The following ETFDH variants were observed in gnomAD, a reference collection of about 807,000 sequenced individuals.
ETFDH encodes the protein electron transfer flavoprotein dehydrogenase.
ETFDH carries 61 observed loss-of-function variants against 73.2 expected under a neutral mutation model. The observed-to-expected ratio is 0.83, with a 90% confidence interval of 0.68 to 1.03. ETFDH has a LOEUF of 1.03. Ranked by LOEUF, ETFDH falls within the 50% of genes least tolerant of loss-of-function variation. ETFDH has a pLI of 0.00. For synonymous variants in ETFDH, 243 were observed against 253.3 expected (o/e 0.96, Z 0.39); for missense variants, 685 against 745.0 (o/e 0.92, Z 0.94).
intron 10 of ETFDH, 50 bp from the exon 11 acceptor site, chr4:158,706,139 A>C (rs1320496367): frequency 8.2e-7 from 1 of 1,219,580 alleles, no homozygotes; most frequent in Non-Finnish European, 1.2e-6. Flanking sequence ...AGCGTATTTT[A>C]CACACATTTG....
In ETFDH at chr4:158,709,590, C is replaced by T. The variant is rs746757149; in HGVS notation, c.*1063C>T. The T allele has an allele frequency of 1.2e-4, 70 of 580,048 alleles. No homozygotes were observed. The highest frequency in any genetic ancestry group is 1.8e-4 in the Non-Finnish European group (61 of 335,230). The allele number at this position is 580,048 out of a possible 1,614,324, so 35.9% of individuals were successfully genotyped here. A position where few individuals can be genotyped will look rare whatever the true frequency, so the allele number is the denominator to read the frequency against. ...TTGTGACATGTTTATTAAGCATGAA[C>T]CCCTATCAGTACTCCTAAACTGTAA... On this transcript the variant is annotated 3_prime_UTR_variant, in exon 13 of 13. Transcript: ENST00000511912.
At chr4:158,704,995 T>C (rs1048956991) in intron 10 of ETFDH, among the ~76,000 whole-genome samples, 1 of 152,162 alleles carries the variant, frequency 6.6e-6, no homozygotes, top group Non-Finnish European at 1.5e-5. Flanking sequence ...CATGTGTATA[T>C]AGTACCACAC....
intron 5 of ETFDH, 113 bp from the exon 6 acceptor site, chr4:158,690,235 C>T (rs1774127475): frequency 5.7e-6 from 4 of 696,614 alleles, no homozygotes; most frequent in Admixed American, 2.3e-5. Flanking sequence ...CTCTGTATTT[C>T]TATAATCTAG....
Position 158,706,307 on chromosome 4 carries a change from G to C in ETFDH, c.1404G>C (p.Met468Ile). 5 of 1,613,006 alleles carry C rather than the reference G, an allele frequency of 3.1e-6. No homozygotes were observed. The highest frequency in any genetic ancestry group is 4.2e-6 in the Non-Finnish European group (5 of 1,178,980). ...CHGVLGVYGG[M>I]IYTGIFYWIL... is the part of the protein sequence containing the mutation. ...GAGTACTGGGTGTATATGGAGGGAT[G>C]ATTTACACTGGAATCTTTTACTGGA... is the stretch of plus-strand genomic sequence containing the variant. The change falls in exon 11 of 13, where the codon ATG (methionine) becomes ATC (isoleucine). Residue 468 changes from methionine to isoleucine, a missense_variant. By Grantham distance (10) the Met-to-Ile change is conservative (BLOSUM62 1). Coordinates refer to ENST00000511912, the MANE Select transcript of ETFDH (RefSeq NM_004453.4).
At chr4:158,672,870 C>G (rs2150300830) in intron 1 of ETFDH, among the ~76,000 whole-genome samples, 1 of 152,254 alleles carries the variant, frequency 6.6e-6, no homozygotes, top group African/African-American at 2.4e-5. Flanking sequence ...GTTTTTCTCC[C>G]TGGTCCTGAC....
Position 158,696,492 on chromosome 4 carries a change from T to C in ETFDH, c.831+849T>C, listed in dbSNP as rs148611010. Among the ~76,000 whole-genome samples, 870 of 151,648 alleles carry C rather than the reference T, an allele frequency of 5.7e-3. 8 individuals carry two copies. Among genetic ancestry groups the C allele is most frequent in the African/African-American group, 0.02 (806 of 41,270 alleles). ...CTGCACCCTACCCTGGGTGACAGAGTGAGATCCTATCTCTAAAAAAAAAAA... is the reference window on the plus strand; with the variant it reads ...CTGCACCCTACCCTGGGTGACAGAGCGAGATCCTATCTCTAAAAAAAAAAA... On this transcript the variant is annotated intron_variant, in intron 7 of 12. Transcript: ENST00000511912.
chr4:158,692,312 A>G (rs566007757), intron 6 of ETFDH, among the ~76,000 whole-genome samples: 1 of 150,718 alleles, frequency 6.6e-6, no homozygotes, highest in South Asian at 2.1e-4. Context: ...AGGCAGGAGA[A>G]TGGCGTGAAC....
Position 158,684,674 on chromosome 4 carries a change from G to A in ETFDH, c.487+1G>A, listed in dbSNP as rs1444488601. 9 of 1,456,948 alleles carry A rather than the reference G, an allele frequency of 6.2e-6. No individual in the cohort carries two copies. Among genetic ancestry groups the A allele is most frequent in the Non-Finnish European group, 8.7e-6 (9 of 1,036,676 alleles). The allele number at this position is 1,456,948 out of a possible 1,614,324, so 90.3% of individuals were successfully genotyped here. ...AGAATTCCTGTGCCAATTCTTCCAG[G>A]TAAGGTATAGTGAATATGCATAGAA... On this transcript the variant is annotated splice_donor_variant, in intron 4 of 12. Coordinates refer to ENST00000511912, the MANE Select transcript of ETFDH (RefSeq NM_004453.4). LOFTEE classifies it high-confidence loss of function.
intron 3 of ETFDH, among the ~76,000 whole-genome samples, chr4:158,683,733 C>T (rs1773925606): frequency 6.6e-6 from 1 of 152,052 alleles, no homozygotes; most frequent in African/African-American, 2.4e-5. Flanking sequence ...GCGTGCACCA[C>T]CACACCCAGC....
At chr4:158,684,138 C>T (rs1773938105) in intron 3 of ETFDH, among the ~76,000 whole-genome samples, 1 of 152,110 alleles carries the variant, frequency 6.6e-6, no homozygotes, top group African/African-American at 2.4e-5. Flanking sequence ...GCGTGTAATC[C>T]CAACACTTTG....
chr4:158,676,239 G>A (rs1036430835), intron 1 of ETFDH, among the ~76,000 whole-genome samples: 1 of 152,152 alleles, frequency 6.6e-6, no homozygotes, highest in African/African-American at 2.4e-5. Flanking sequence ...TGAAATCACA[G>A]GGAGATGAGT....
chr4:158,707,698 T>C (rs781587983), intron 12 of ETFDH, among the ~76,000 whole-genome samples: 14 of 152,164 alleles, frequency 9.2e-5, no homozygotes, highest in Non-Finnish European at 2.1e-4. Flanking sequence ...AGTAACCCTT[T>C]AGAAATATCC....
rs1255214567 is a variant in ETFDH at position 158,706,227 on chromosome 4, T to A, written c.1324T>A (p.Ser442Thr). 12 of 1,612,670 alleles carry A rather than the reference T, an allele frequency of 7.4e-6. No individual in the cohort carries two copies. The highest frequency in any genetic ancestry group is 1.3e-5 in the African/African-American group (1 of 74,924). Residue 442 changes from serine (S) to threonine (T), a missense_variant, in exon 11 of 13, where the codon TCA becomes ACA. Ser to Thr is a moderately conservative substitution (Grantham distance 58). Around this residue, in one of 3 missense-constraint regions of ETFDH, gnomAD observed 201 missense variants for 225.2 expected, o/e 0.89. Transcript: ENST00000511912. ...TGAATATGAGGACAATTTGAAGAAC[T>A]CATGGGTATGGAAAGAGCTATATTC... ...VTEYEDNLKN[S>T]WVWKELYSVR...
intron 3 of ETFDH, among the ~76,000 whole-genome samples, chr4:158,683,761 T>A (rs1002887670): frequency 2.0e-5 from 3 of 152,018 alleles, no homozygotes; most frequent in East Asian, 1.9e-4. Context: ...TGTATTTTTT[T>A]AGTACAGACA....
chr4:158,682,453 C>A, intron 3 of ETFDH, 29 bp downstream of exon 3: 1 of 1,530,448 alleles, frequency 6.5e-7, no homozygotes, highest in South Asian at 1.1e-5. Flanking sequence ...TATACAAAGT[C>A]TAATCTTTTG....
At chr4:158,690,315 G>A (rs774134181) in intron 5 of ETFDH, 33 bp from the exon 6 acceptor site, 8 of 1,111,592 alleles carry the variant, frequency 7.2e-6, no homozygotes, top group Non-Finnish European at 1.1e-5. Flanking sequence ...TGAATTCTAA[G>A]GTATTAATAA....
chr4:158,698,084 A>G (rs1325833488), intron 8 of ETFDH, among the ~76,000 whole-genome samples: 5 of 152,200 alleles, frequency 3.3e-5, no homozygotes, highest in Non-Finnish European at 7.3e-5. Context: ...CTCAAATCCC[A>G]TTTCCACTGT....
chr4:158,687,053 TTC>T (rs1462736487), intron 5 of ETFDH, among the ~76,000 whole-genome samples: 12 of 152,256 alleles, frequency 7.9e-5, no homozygotes, highest in African/African-American at 2.9e-4. Context: ...TTTAGGGGAA[TTC>T]AGTGGGCTTG....
chr4:158,679,588 C>T (rs1427639101), intron 1 of ETFDH: 1 of 152,110 alleles, frequency 6.6e-6, no homozygotes, highest in African/African-American at 2.4e-5. Context: ...CATCTAATTG[C>T]TTCTGTCTTT....
Sources: gnomAD v4.1 joint callset for allele counts (sites outside exome capture counted in the v4.1 genomes callset) on GRCh38, gnomAD v4.1.1 for gene constraint, gnomAD v4.1.1 regional missense constraint, MANE v1.5 for transcripts, NCBI Gene and HGNC (gene_info 2026-07-23, HGNC 2026-07-21) for gene names.